The following ABCA6 variants were observed in gnomAD, a reference collection of about 807,000 sequenced individuals.
ABCA6 encodes ATP-binding cassette sub-family A member 6.
A neutral mutation model predicts 191.2 loss-of-function variants in ABCA6; 164 were observed. That is an observed-to-expected ratio of 0.86 (90% CI 0.76 to 0.98). ABCA6 has a LOEUF of 0.98. ABCA6 is among the 50% of genes least tolerant of loss of function. ABCA6 has a pLI of 0.00. For missense variants in ABCA6, 1,958 were observed against 1,894.1 expected, an observed-to-expected ratio of 1.03 and a Z score of -0.63; for synonymous variants, 636 against 647.7, an observed-to-expected ratio of 0.98 and a Z score of 0.27.
intron 11 of ABCA6, among the ~76,000 whole-genome samples, chr17:69,116,224 CT>C (rs2068297532): frequency 6.6e-6 from 1 of 152,012 alleles, no homozygotes; most frequent in Admixed American, 6.6e-5. Context: ...CCCACAGTAA[CT>C]GGAAAAATTA....
Position 69,085,692 on chromosome 17 carries a change from G to C in ABCA6, c.3962C>G (p.Pro1321Arg), listed in dbSNP as rs776865215. The change falls in exon 31 of 39, where the codon CCC (proline) becomes CGC (arginine). Residue 1321 changes from proline to arginine, a missense_variant. Physicochemically the swap from Pro to Arg is moderately radical, Grantham distance 103. Transcript: ENST00000284425. ...AGATGAACTTTTTCCAGCACCATTG[G>C]GTCCTAGCAATCCCAAAATTTCACC... is the stretch of plus-strand genomic sequence containing the variant. Reference protein sequence around the residue: ...QEGEILGLLGPNGAGKSSSIR... With the variant: ...QEGEILGLLGRNGAGKSSSIR... 6.2e-7 allele frequency: 1 copy of C among 1,609,932 alleles called. No homozygotes were observed. The highest frequency in any genetic ancestry group is 1.1e-5 in the South Asian group (1 of 90,568).
intron 15 of ABCA6, 129 bp downstream of exon 15, chr17:69,113,093 G>C: frequency 1.9e-6 from 2 of 1,072,144 alleles, no homozygotes; most frequent in East Asian, 6.0e-5. Flanking sequence ...GACTCCTGTC[G>C]TCCTCCTGAC....
At chr17:69,085,477 A>G (rs2072757067) in intron 31 of ABCA6, 148 bp downstream of exon 31, 3 of 642,786 alleles carry the variant, frequency 4.7e-6, no homozygotes, top group Non-Finnish European at 5.1e-6. Flanking sequence ...CCTGATGCCC[A>G]GTAAAAATTT....
rs766650321 is a variant in ABCA6, at chr17:69,113,296, A to G, written c.1967T>C (p.Leu656Pro). ...DPFSRDQVWS[L>P]LRERRADHVI... is the part of the protein sequence containing the mutation. ...ATGATCTGCTCTACGCTCTCTCAGGAGGCTCCACACTTGATCTCTGGAAAA... is the reference window on the plus strand; with the variant it reads ...ATGATCTGCTCTACGCTCTCTCAGGGGGCTCCACACTTGATCTCTGGAAAA... The change falls in exon 15 of 39, where the codon CTC becomes CCC. Residue 656 changes from leucine to proline, a missense_variant. Leu to Pro is a moderately conservative substitution (Grantham distance 98). Transcript: ENST00000284425. 1 of 1,599,650 alleles carries G rather than the reference A, an allele frequency of 6.3e-7. No individual in the cohort carries two copies. The highest frequency in any genetic ancestry group is 8.5e-7 in the Non-Finnish European group (1 of 1,176,436).
rs528865239 is a variant in ABCA6, at chr17:69,112,066, G to C, written c.2132+117C>G. On this transcript the variant is annotated intron_variant, in intron 16 of 38. Coordinates refer to ENST00000284425, the MANE Select transcript of ABCA6 (RefSeq NM_080284.3). ...TAAAAAAAAGTATTCAGGAAACACT[G>C]ATCAATCCAGTATGGTAGAGATGAA... is the stretch of plus-strand genomic sequence containing the variant. 50 of 734,812 alleles carry C rather than the reference G, an allele frequency of 6.8e-5. No homozygotes were observed. The Admixed American group carries it at 1.0e-3, about 15-fold the overall frequency. The allele number at this position is 734,812 out of a possible 1,614,324, so 45.5% of individuals were successfully genotyped here.
Position 69,141,822 on chromosome 17 carries a change from T to G in ABCA6, c.-123A>C, listed in dbSNP as rs996248089. ...TGTTTGTCTAGGTAACGATTACAACTTCTTTATTGCTGCTTCTTCATTTTT... is the reference window on the plus strand; with the variant it reads ...TGTTTGTCTAGGTAACGATTACAACGTCTTTATTGCTGCTTCTTCATTTTT... On this transcript the variant is annotated 5_prime_UTR_variant, in exon 1 of 39. Transcript: ENST00000284425. The G allele has an allele frequency of 6.6e-6, 1 of 152,098 alleles. No homozygotes were observed. The highest frequency in any genetic ancestry group is 1.5e-5 in the Non-Finnish European group (1 of 67,996). 9.4% of individuals were successfully genotyped at this position (152,098 alleles called of 1,614,324 possible).
chr17:69,080,322 C>A (rs547433309), intron 37 of ABCA6, among the ~76,000 whole-genome samples: 14 of 152,094 alleles, frequency 9.2e-5, no homozygotes, highest in Non-Finnish European at 1.8e-4. Flanking sequence ...GGATTGAGTA[C>A]CTCACCCAAC....
At chr17:69,135,329 T>G (rs1474743350) in intron 4 of ABCA6, 1 of 152,600 alleles carries the variant, frequency 6.6e-6, no homozygotes, top group Non-Finnish European at 1.5e-5. Flanking sequence ...CCAGCCATAA[T>G]GGACTCCTTG....
Position 69,079,024 on chromosome 17 carries a change from T to C in ABCA6, c.4803A>G (p.Glu1601=). The change falls in exon 39 of 39, where the codon GAA becomes GAG. Residue 1601 remains glutamate (E), a synonymous_variant. Coordinates refer to ENST00000284425, the MANE Select transcript of ABCA6 (RefSeq NM_080284.3). ...KEQEVGNFDE[E]IDTTMRWKLL... is the part of the protein sequence containing the mutation. Reference sequence around the variant, plus strand: ...GTTTCCATCTCATTGTTGTATCAATTTCTTCATCAAAATTTCCTACTTCCT... The same window carrying C: ...GTTTCCATCTCATTGTTGTATCAATCTCTTCATCAAAATTTCCTACTTCCT... 6.2e-7 allele frequency: 1 copy of C among 1,612,858 alleles called. No individual in the cohort carries two copies. Among genetic ancestry groups the C allele is most frequent in the Middle Eastern group, 1.7e-4 (1 of 5,888 alleles).
intron 2 of ABCA6, among the ~76,000 whole-genome samples, chr17:69,138,419 T>C (rs1401840211): frequency 6.6e-6 from 1 of 152,150 alleles, no homozygotes; most frequent in African/African-American, 2.4e-5. Flanking sequence ...TATTTTATTC[T>C]CTTTGAAGCA....
chr17:69,124,821 A>G, intron 9 of ABCA6, 67 bp downstream of exon 9: 1 of 896,858 alleles, frequency 1.1e-6, no homozygotes, highest in South Asian at 2.4e-5. Context: ...AGTCTATATA[A>G]TCTTAAAAAA....
intron 25 of ABCA6, chr17:69,095,213 A>T (rs1189032413): frequency 1.6e-5 from 3 of 190,842 alleles, no homozygotes; most frequent in Admixed American, 9.6e-5. Context: ...TGAACAAAAA[A>T]TAGTCTCCAT....
chr17:69,107,942 G>C, intron 17 of ABCA6, 130 bp from the exon 18 acceptor site: 1 of 608,984 alleles, frequency 1.6e-6, no homozygotes, highest in South Asian at 2.1e-5. Flanking sequence ...TATCACAGTA[G>C]TCAAAAGCAA....
rs756151634 is a variant in ABCA6 at position 69,096,639 on chromosome 17, C to T, written c.3283G>A (p.Val1095Met). The stretch of plus-strand genomic sequence containing the variant: ...ACTGTGTTACTTACCAAAGCAAACA[C>T]AATTTGGCTTGTAATAAGAAGGTAC... ...MQYLLITSQIVFALVIVTPGY... is the reference protein window; with the variant it reads ...MQYLLITSQIMFALVIVTPGY... The change falls in exon 24 of 39, where the codon GTG becomes ATG. Residue 1095 changes from valine to methionine, a missense_variant. Transcript: ENST00000284425. The T allele has an allele frequency of 2.0e-6, 3 of 1,532,150 alleles. No homozygotes were observed. The highest frequency in any genetic ancestry group is 2.6e-6 in the Non-Finnish European group (3 of 1,147,002). 94.9% of individuals were successfully genotyped at this position (1,532,150 alleles called of 1,614,324 possible). A position where few individuals can be genotyped will look rare whatever the true frequency, so the allele number is the denominator to read the frequency against.
At chr17:69,128,855 G>T in intron 7 of ABCA6, 51 bp from the exon 8 acceptor site, 2 of 1,404,344 alleles carry the variant, frequency 1.4e-6, no homozygotes, top group South Asian at 1.5e-5. Context: ...TTAGCTCACT[G>T]AGAATCATTG....
At chr17:69,080,507 C>A (rs544803216) in intron 37 of ABCA6, among the ~76,000 whole-genome samples, 21 of 152,130 alleles carry the variant, frequency 1.4e-4, no homozygotes, top group Non-Finnish European at 3.1e-4. Context: ...TGGACAATTA[C>A]AACCAGCAAA....
intron 25 of ABCA6, among the ~76,000 whole-genome samples, chr17:69,093,968 C>T (rs1489236179): frequency 2.0e-5 from 3 of 152,212 alleles, no homozygotes; most frequent in Middle Eastern, 3.4e-3. Flanking sequence ...CAAAACGTAC[C>T]TTGCCTCTGG....
intron 8 of ABCA6, among the ~76,000 whole-genome samples, chr17:69,127,532 T>C (rs2073775993): frequency 6.6e-6 from 1 of 152,096 alleles, no homozygotes; most frequent in Non-Finnish European, 1.5e-5. Flanking sequence ...TTAAACGTCA[T>C]CAATAATCGG....
rs761614062 is a variant in ABCA6, at chr17:69,096,106, C to A, written c.3408+134G>T. ...TTGATTCAGTAACAGTGTTACACTT[C>A]CCTCTCTTTTCTATGGTGTAATTTT... On this transcript the variant is annotated intron_variant, in intron 25 of 38. Transcript: ENST00000284425. 34 of 377,452 alleles carry A rather than the reference C, an allele frequency of 9.0e-5. 1 individual carries two copies. Among genetic ancestry groups the A allele is most frequent in the Non-Finnish European group, 1.5e-4 (31 of 209,546 alleles). 23.4% of individuals were successfully genotyped at this position (377,452 alleles called of 1,614,324 possible). A position where few individuals can be genotyped will look rare whatever the true frequency, so the allele number is the denominator to read the frequency against.
Sources: gnomAD v4.1 joint callset for allele counts (sites outside exome capture counted in the v4.1 genomes callset) on GRCh38, gnomAD v4.1.1 for gene constraint, MANE v1.5 for transcripts, NCBI Gene and HGNC (gene_info 2026-07-23, HGNC 2026-07-21) for gene names.